Variants in DGKG observed in about 807,000 individuals in gnomAD.
DGKG encodes diacylglycerol kinase gamma.
In DGKG, 78 loss-of-function variants were observed where a neutral mutation model predicts 105.3. The observed-to-expected ratio is 0.74, with a 90% CI of 0.62 to 0.89. The LOEUF (loss-of-function observed/expected upper bound fraction) is 0.89, where lower values mean the gene tolerates loss of function less well. DGKG is among the 40% of genes least tolerant of loss of function. The probability of loss-of-function intolerance (pLI) is 0.00; values close to 1 mark genes in which losing one functional copy is unlikely to be tolerated. For synonymous variants in DGKG, 346 were observed against 367.1 expected, an observed-to-expected ratio of 0.94 and a Z score of 0.66; for missense variants, 958 against 1,020.1, an observed-to-expected ratio of 0.94 and a Z score of 0.83.
intron 3 of DGKG, among the ~76,000 whole-genome samples, chr3:186,302,054 C>T (rs898011585): frequency 3.3e-5 from 5 of 152,188 alleles, no homozygotes; most frequent in Admixed American, 2.0e-4. Flanking sequence ...AGGCCCAACC[C>T]GGATTCCACT....
intron 17 of DGKG, among the ~76,000 whole-genome samples, chr3:186,256,980 G>T (rs1721506602): frequency 6.6e-6 from 1 of 152,104 alleles, no homozygotes; most frequent in Non-Finnish European, 1.5e-5. Flanking sequence ...CCTCTACATG[G>T]TGTGCTCCAT....
chr3:186,189,546 A>G (rs1717805926), intron 21 of DGKG, among the ~76,000 whole-genome samples: 2 of 152,188 alleles, frequency 1.3e-5, no homozygotes, highest in African/African-American at 2.4e-5. Flanking sequence ...TACAAAGTAC[A>G]TGGTCTTTAT....
intron 1 of DGKG, among the ~76,000 whole-genome samples, chr3:186,353,924 A>G (rs1207365493): frequency 6.6e-6 from 1 of 152,170 alleles, no homozygotes; most frequent in Admixed American, 6.5e-5. Flanking sequence ...TTTTTCCCCT[A>G]TAGGAACATA....
At position 186,361,394 on chromosome 3, in the gene DGKG, A is replaced by G. The variant is rs891727363; in HGVS notation, c.-249+552T>C. On this transcript the variant is annotated intron_variant, in intron 1 of 24. Transcript: ENST00000265022. The surrounding 1 kb of genome is among the most constrained non-coding windows in gnomAD (Gnocchi z 6.8). ...CTCTGAGACTACACAGATCAACCTC[A>G]GATTCGACCCTTCCCTCCTTTATTC... 1.3e-5 allele frequency among the ~76,000 whole-genome samples: 2 copies of G among 152,128 alleles called. No homozygotes were observed. Among genetic ancestry groups the G allele is most frequent in the Non-Finnish European group, 2.9e-5 (2 of 68,014 alleles).
intron 24 of DGKG, 34 bp from the exon 25 acceptor site, chr3:186,150,222 A>C (rs1430076554): frequency 6.3e-7 from 1 of 1,591,406 alleles, no homozygotes; most frequent in Non-Finnish European, 8.6e-7. Flanking sequence ...AATTAGTGGC[A>C]TGCAAATCTC....
chr3:186,242,624 C>G (rs376608659), intron 19 of DGKG, 56 bp from the exon 20 acceptor site: 2 of 1,497,654 alleles, frequency 1.3e-6, no homozygotes, highest in African/African-American at 2.8e-5. Flanking sequence ...CAGTGCAGTG[C>G]GGAGGGAAGG....
intron 5 of DGKG, among the ~76,000 whole-genome samples, chr3:186,290,099 T>TAAGGA (rs1365390552): frequency 4.6e-5 from 7 of 152,094 alleles, no homozygotes; most frequent in Middle Eastern, 3.2e-3. Context: ...GGCTGCAAAG[T>TAAGGA]AAGGAAAGAA....
chr3:186,153,361 C>T (rs1261955853), intron 24 of DGKG, among the ~76,000 whole-genome samples: 4 of 152,130 alleles, frequency 2.6e-5, no homozygotes, highest in Non-Finnish European at 5.9e-5. Context: ...AAGAGGTCAT[C>T]CCACGTTTCT....
intron 1 of DGKG, among the ~76,000 whole-genome samples, chr3:186,359,241 T>G (rs1355990317): frequency 3.9e-5 from 6 of 152,170 alleles, no homozygotes; most frequent in Non-Finnish European, 8.8e-5. Flanking sequence ...CTGTGAGCCT[T>G]AAAACATTCA....
At chr3:186,279,712 A>G in intron 9 of DGKG, 139 bp downstream of exon 9, 2 of 851,780 alleles carry the variant, frequency 2.3e-6, no homozygotes, top group Admixed American at 2.8e-5. Flanking sequence ...AATAATGTAA[A>G]TAGAGAGGAC....
chr3:186,273,352 G>T (rs1722412674), intron 10 of DGKG, among the ~76,000 whole-genome samples: 1 of 149,276 alleles, frequency 6.7e-6, no homozygotes, highest in South Asian at 2.1e-4. Context: ...TGGCGCTGGG[G>T]AGACTGTTGT....
At chr3:186,321,344 T>C (rs1348691904) in intron 1 of DGKG, among the ~76,000 whole-genome samples, 1 of 152,144 alleles carries the variant, frequency 6.6e-6, no homozygotes, top group Non-Finnish European at 1.5e-5. Context: ...AACAAGCATG[T>C]AAACACATGA....
At chr3:186,340,936 G>A (rs1010781085) in intron 1 of DGKG, among the ~76,000 whole-genome samples, 2 of 152,158 alleles carry the variant, frequency 1.3e-5, no homozygotes, top group African/African-American at 4.8e-5. Flanking sequence ...GGCCCTAGCA[G>A]GTCTCTGGTC....
rs148084925 is a variant in DGKG, at chr3:186,209,778, C to T, written c.1917+2017G>A. On this transcript the variant is annotated intron_variant, in intron 21 of 24. Transcript: ENST00000265022. Reference sequence around the variant, plus strand: ...GCCCTGTCCGTCTCTCTTAGTCCCCCTCTAGATCACAAGGCACAGGACCAT... The same window carrying T: ...GCCCTGTCCGTCTCTCTTAGTCCCCTTCTAGATCACAAGGCACAGGACCAT... Among the ~76,000 whole-genome samples, 885 of 152,238 alleles carry T rather than the reference C, an allele frequency of 5.8e-3. 1 individual carries two copies. Among genetic ancestry groups the T allele is most frequent in the Non-Finnish European group, 9.5e-3 (648 of 68,012 alleles).
chr3:186,293,438 G>T (rs74952954), intron 5 of DGKG, among the ~76,000 whole-genome samples: 2 of 152,128 alleles, frequency 1.3e-5, no homozygotes, highest in African/African-American at 4.8e-5. Context: ...ATTCCAAGTC[G>T]CTGAAACATC....
chr3:186,317,557 T>G (rs1433847917), intron 2 of DGKG, among the ~76,000 whole-genome samples: 1 of 152,194 alleles, frequency 6.6e-6, no homozygotes, highest in Non-Finnish European at 1.5e-5. Flanking sequence ...GCCTGGGAGC[T>G]GCTTGCAGTT....
chr3:186,294,853 G>A (rs955335456), intron 5 of DGKG, among the ~76,000 whole-genome samples: 4 of 152,176 alleles, frequency 2.6e-5, no homozygotes, highest in South Asian at 2.1e-4. Context: ...GGGCATGGAC[G>A]AGCCAGCAAT....
At chr3:186,347,245 G>A (rs1578864455) in intron 1 of DGKG, among the ~76,000 whole-genome samples, 2 of 151,732 alleles carry the variant, frequency 1.3e-5, no homozygotes, top group Admixed American at 6.6e-5. Context: ...TCAGGAGATC[G>A]AGACCACTCT....
chr3:186,186,085 A>C (rs1717617971), intron 22 of DGKG, among the ~76,000 whole-genome samples: 1 of 128,618 alleles, frequency 7.8e-6, no homozygotes, highest in African/African-American at 3.2e-5. Context: ...TGACAGAGTG[A>C]GACTCTGCCT....
Sources: gnomAD v4.1 joint callset for allele counts (sites outside exome capture counted in the v4.1 genomes callset) on GRCh38, gnomAD v4.1.1 for gene constraint, Gnocchi (gnomAD v3.1) non-coding constraint, MANE v1.5 for transcripts, NCBI Gene and HGNC (gene_info 2026-07-23, HGNC 2026-07-21) for gene names.